The following RDH11 variants were observed in gnomAD, a reference collection of about 807,000 sequenced individuals.
RDH11 encodes the protein retinol dehydrogenase 11.
RDH11 carries 19 observed loss-of-function variants against 33.4 expected under a neutral mutation model. The observed-to-expected ratio is 0.57, with a 90% confidence interval of 0.40 to 0.83. The LOEUF is 0.83. Ranked by LOEUF, RDH11 falls within the 40% of genes least tolerant of loss-of-function variation. RDH11 has a pLI of 0.00. For missense variants in RDH11, 353 were observed against 389.0 expected, an observed-to-expected ratio of 0.91 and a Z score of 0.78; for synonymous variants, 154 against 155.3, an observed-to-expected ratio of 0.99 and a Z score of 0.06.
At chr14:67,687,466 CCTT>C (rs752906710) in intron 5 of RDH11, among the ~76,000 whole-genome samples, 12,359 of 116,500 alleles carry the variant, frequency 0.11, 666 homozygotes, top group Non-Finnish European at 0.14. Context: ...CCTCCATATT[CCTT>C]TTTTTTTTTT....
Position 67,690,300 on chromosome 14 carries a change from G to A in RDH11, c.576C>T (p.Gly192=), listed in dbSNP as rs764879646. 2.0e-5 allele frequency: 33 copies of A among 1,613,970 alleles called. No individual in the cohort carries two copies. The East Asian group carries it at 3.3e-4, about 16-fold the overall frequency. ...CCAGGCCTGCATTGTAGAATTTCTCGCCCTGCAGGTTATGGAAGTGGATCC... is the reference window on the plus strand; with the variant it reads ...CCAGGCCTGCATTGTAGAATTTCTCACCCTGCAGGTTATGGAAGTGGATCC... ...LGRIHFHNLQ[G]EKFYNAGLAY... is the part of the protein sequence containing the mutation. The change falls in exon 5 of 7, where the codon GGC becomes GGT. Residue 192 remains glycine (G), a synonymous_variant. Transcript: ENST00000381346.
Position 67,691,098 on chromosome 14 carries a change from T to C in RDH11, c.454+42A>G, listed in dbSNP as rs539894176. 1,313 of 1,334,732 alleles carry C rather than the reference T, an allele frequency of 9.8e-4. 21 individuals are homozygous for C. The South Asian group carries it at 0.014, about 14-fold the overall frequency. 82.7% of individuals were successfully genotyped at this position (1,334,732 alleles called of 1,614,324 possible). ...TGACCCCTAAGTTTCCCAAAGAGAA[T>C]TTTGGGTCTCTCTAGCTTTGTGATA... is the stretch of plus-strand genomic sequence containing the variant. On this transcript the variant is annotated intron_variant, in intron 4 of 6. Transcript: ENST00000381346.
rs1008219433 is a variant in RDH11 at position 67,685,301 on chromosome 14, A to G, written c.665-97T>C. 7.6e-6 allele frequency: 7 copies of G among 921,836 alleles called. No homozygotes were observed. In the Admixed American group the frequency reaches 1.9e-4, roughly 25 times the overall value. The allele number at this position is 921,836 out of a possible 1,614,324, so 57.1% of individuals were successfully genotyped here. ...ATGTAAATAAGCATGTGACCTTCAC[A>G]TATGGACTCTTTTGCCCATGGTGAC... On this transcript the variant is annotated intron_variant, in intron 5 of 6. Transcript: ENST00000381346.
Position 67,693,008 on chromosome 14 carries a change from G to A in RDH11, c.119C>T (p.Pro40Leu), listed in dbSNP as rs2037771793. The change falls in exon 2 of 7, where the codon CCT becomes CTT. Residue 40 changes from proline (P) to leucine (L), a missense_variant. Transcript: ENST00000381346. Reference protein sequence around the residue: ...SGVCTSTVQLPGKVVVVTGAN... With the variant: ...SGVCTSTVQLLGKVVVVTGAN... ...TCCTGTGACCACAACTACTTTCCCA[G>A]GAAGCTGAACAGTTGATGTACACAC... The A allele has an allele frequency of 1.9e-6, 3 of 1,614,078 alleles. No individual in the cohort carries two copies. The highest frequency in any genetic ancestry group is 3.3e-4 in the Middle Eastern group (2 of 6,062).
intron 5 of RDH11, among the ~76,000 whole-genome samples, chr14:67,689,764 T>G (rs1594851465): frequency 2.0e-5 from 3 of 151,942 alleles, no homozygotes; most frequent in African/African-American, 4.8e-5. Context: ...ACCAACATGG[T>G]GAAATCCTGT....
intron 6 of RDH11, among the ~76,000 whole-genome samples, chr14:67,678,727 T>C (rs1413553420): frequency 6.6e-6 from 1 of 152,136 alleles, no homozygotes; most frequent in Non-Finnish European, 1.5e-5. Context: ...CTGACACCCA[T>C]GTATATCCAT....
chr14:67,682,384 C>T (rs1261802259), intron 6 of RDH11, among the ~76,000 whole-genome samples: 1 of 152,122 alleles, frequency 6.6e-6, no homozygotes, highest in Non-Finnish European at 1.5e-5. Context: ...CGCATCTAGA[C>T]TATTAAGAAC....
In RDH11 at chr14:67,694,504, A is replaced by G. The variant is rs189424867; in HGVS notation, c.74+1126T>C. Among the ~76,000 whole-genome samples the G allele has an allele frequency of 4.8e-5, 7 of 147,360 alleles. No homozygotes were observed. The East Asian group carries it at 1.4e-3, about 29-fold the overall frequency. ...CACACACACACATATATATATATAT[A>G]TACACACATATATTTTTTTTTTTTC... On this transcript the variant is annotated intron_variant, in intron 1 of 6. Transcript: ENST00000381346.
chr14:67,682,984 G>A (rs1361880018), intron 6 of RDH11, among the ~76,000 whole-genome samples: 2 of 152,256 alleles, frequency 1.3e-5, no homozygotes, highest in Non-Finnish European at 2.9e-5. Context: ...GTCACAAAAG[G>A]CCACATACCA....
chr14:67,685,757 A>G (rs562972420), intron 5 of RDH11, among the ~76,000 whole-genome samples: 90 of 152,028 alleles, frequency 5.9e-4, no homozygotes, highest in Non-Finnish European at 1.1e-3. Flanking sequence ...CTGGGACTAC[A>G]GGGGTGCGCC....
chr14:67,677,704 T>A lies in RDH11; in HGVS notation c.*617A>T, dbSNP rs1340423957. ...GGCACTGGTTTGCTCCATCTCTGAT[T>A]ATTGTGGCTGTTTTGAACTTTGTGA... On this transcript the variant is annotated 3_prime_UTR_variant, in exon 7 of 7. Coordinates refer to ENST00000381346, the MANE Select transcript of RDH11 (RefSeq NM_016026.4). The A allele has an allele frequency of 6.6e-6, 1 of 152,250 alleles. No individual in the cohort carries two copies. The highest frequency in any genetic ancestry group is 1.9e-4 in the East Asian group (1 of 5,194). 9.4% of individuals were successfully genotyped at this position (152,250 alleles called of 1,614,324 possible). A position where few individuals can be genotyped will look rare whatever the true frequency, so the allele number is the denominator to read the frequency against.
At position 67,693,021 on chromosome 14, in the gene RDH11, T is replaced by C. The variant is rs775969760; in HGVS notation, c.106A>G (p.Thr36Ala). The C allele has an allele frequency of 3.1e-6, 5 of 1,614,066 alleles. No homozygotes were observed. The highest frequency in any genetic ancestry group is 1.7e-5 in the Admixed American group (1 of 60,022). ...ACTACTTTCCCAGGAAGCTGAACAG[T>C]TGATGTACACACCCCACTGGACAGC... ...KMLSSGVCTS[T>A]VQLPGKVVVV... Residue 36 changes from threonine to alanine, a missense_variant, in exon 2 of 7, where the codon ACT becomes GCT. Thr to Ala is a moderately conservative substitution (Grantham distance 58, BLOSUM62 0). Transcript: ENST00000381346.
intron 6 of RDH11, chr14:67,684,469 C>A (rs1459052098): frequency 6.6e-6 from 1 of 152,164 alleles, no homozygotes; most frequent in East Asian, 1.9e-4. Flanking sequence ...TTTTATCTAA[C>A]CCTGTGTTAT....
chr14:67,687,897 C>T (rs1416446906), intron 5 of RDH11, among the ~76,000 whole-genome samples: 13 of 151,914 alleles, frequency 8.6e-5, no homozygotes, highest in Admixed American at 5.9e-4. Flanking sequence ...TCAGCCTCTC[C>T]AGTAGCTAGG....
chr14:67,694,350 C>T (rs183921036), intron 1 of RDH11, among the ~76,000 whole-genome samples: 4 of 151,670 alleles, frequency 2.6e-5, no homozygotes, highest in Non-Finnish European at 4.4e-5. Flanking sequence ...CCTTAACCAG[C>T]AGGAATGAAA....
chr14:67,686,742 C>A (rs571771897), intron 5 of RDH11, among the ~76,000 whole-genome samples: 1 of 151,476 alleles, frequency 6.6e-6, no homozygotes, highest in South Asian at 2.1e-4. Flanking sequence ...AACGCTGGGG[C>A]CAGACATACT....
chr14:67,681,211 G>A (rs2037612000), intron 6 of RDH11, among the ~76,000 whole-genome samples: 1 of 152,216 alleles, frequency 6.6e-6, no homozygotes, highest in African/African-American at 2.4e-5. Flanking sequence ...TCAGAGAGAA[G>A]GCATCCATTT....
chr14:67,684,781 C>T lies in RDH11; in HGVS notation c.854+234G>A. 8.6e-6 allele frequency: 3 copies of T among 348,514 alleles called. No homozygotes were observed. In the East Asian group the frequency reaches 1.3e-4, roughly 16 times the overall value. 21.6% of individuals were successfully genotyped at this position (348,514 alleles called of 1,614,324 possible). A position where few individuals can be genotyped will look rare whatever the true frequency, so the allele number is the denominator to read the frequency against. ...GAAAACTGGACTGACATAACAAAGA[C>T]AGGAAGAAAACAAACAGAATGCATA... On this transcript the variant is annotated intron_variant, in intron 6 of 6. Coordinates refer to ENST00000381346, the MANE Select transcript of RDH11 (RefSeq NM_016026.4).
At chr14:67,682,667 G>A (rs1458387716) in intron 6 of RDH11, among the ~76,000 whole-genome samples, 8 of 152,204 alleles carry the variant, frequency 5.3e-5, no homozygotes, top group Non-Finnish European at 1.2e-4. Flanking sequence ...GTAAAATGGG[G>A]CAGTCATTTT....
Sources: gnomAD v4.1 joint callset for allele counts (sites outside exome capture counted in the v4.1 genomes callset) on GRCh38, gnomAD v4.1.1 for gene constraint, MANE v1.5 for transcripts, NCBI Gene and HGNC (gene_info 2026-07-23, HGNC 2026-07-21) for gene names.